TRAPPC11: variants seen among roughly 807,000 people sequenced by gnomAD.
TRAPPC11 encodes trafficking protein particle complex subunit 11.
In TRAPPC11, 104 loss-of-function variants were observed where a neutral mutation model predicts 151.2. That is an observed-to-expected ratio of 0.69 (90% confidence interval 0.59 to 0.81). The LOEUF is 0.81. Ranked by LOEUF, TRAPPC11 falls within the 30% of genes least tolerant of loss-of-function variation. TRAPPC11 has a pLI of 0.00. For synonymous variants in TRAPPC11, 456 were observed against 472.3 expected (o/e 0.97, Z 0.45); for missense variants, 1,230 against 1,349.6 (o/e 0.91, Z 1.39).
chr4:183,699,138 A>G (rs1485215765), intron 25 of TRAPPC11, among the ~76,000 whole-genome samples: 1 of 152,136 alleles, frequency 6.6e-6, no homozygotes, highest in African/African-American at 2.4e-5. Context: ...CAGGCTGTCT[A>G]CTGCCCTTTG....
Position 183,713,540 on chromosome 4 carries a change from A to G in TRAPPC11, c.*896A>G, listed in dbSNP as rs1270506364. On this transcript the variant is annotated 3_prime_UTR_variant, in exon 30 of 30. Transcript: ENST00000334690. The stretch of plus-strand genomic sequence containing the variant: ...GAAAATTTTATTATTCAAAAGGTGG[A>G]GGCATTGTAAAAAGGAAATAGTGAT... The G allele has an allele frequency of 6.6e-6, 1 of 152,660 alleles. No individual in the cohort carries two copies. The highest frequency in any genetic ancestry group is 1.5e-5 in the Non-Finnish European group (1 of 68,036). 9.5% of individuals were successfully genotyped at this position (152,660 alleles called of 1,614,324 possible).
intron 18 of TRAPPC11, among the ~76,000 whole-genome samples, chr4:183,687,316 T>C (rs1373045795): frequency 1.3e-5 from 2 of 148,696 alleles, no homozygotes; most frequent in East Asian, 3.9e-4. Flanking sequence ...TATATATATG[T>C]ACACATATAG....
rs199928203 is a variant in TRAPPC11, at chr4:183,697,641, G to T, written c.2695-38G>T. 1,543 of 1,611,378 alleles carry T rather than the reference G, an allele frequency of 9.6e-4. 2 individuals are homozygous for T. The highest frequency in any genetic ancestry group is 1.1e-3 in the Non-Finnish European group (1,297 of 1,178,630). Reference sequence around the variant, plus strand: ...GACTGAAATGATAAAATGGATTAAGGTAATTCCTGACAGACCTTTTATCTT... The same window carrying T: ...GACTGAAATGATAAAATGGATTAAGTTAATTCCTGACAGACCTTTTATCTT... On this transcript the variant is annotated intron_variant, in intron 24 of 29. Coordinates refer to ENST00000334690, the MANE Select transcript of TRAPPC11 (RefSeq NM_021942.6).
intron 7 of TRAPPC11, 119 bp from the exon 8 acceptor site, chr4:183,677,339 A>T (rs1735463513): frequency 5.8e-6 from 4 of 693,928 alleles, no homozygotes; most frequent in Non-Finnish European, 1.0e-5. Flanking sequence ...AGAGATTGAC[A>T]TTATTGAGCT....
intron 18 of TRAPPC11, among the ~76,000 whole-genome samples, chr4:183,689,205 G>C (rs926035572): frequency 7.2e-5 from 11 of 152,140 alleles, no homozygotes; most frequent in Admixed American, 1.3e-4. Context: ...CTGGTGTTGG[G>C]AATGGAGATT....
At chr4:183,700,802 ATC>A (rs1465244581) in intron 25 of TRAPPC11, 1 of 152,140 alleles carries the variant, frequency 6.6e-6, no homozygotes, top group African/African-American at 2.4e-5. Context: ...TCATCTAAAA[ATC>A]TGAAATCTGA....
At chr4:183,667,192 TA>T (rs1734927662) in intron 4 of TRAPPC11, 62 bp downstream of exon 4, 5 of 1,382,458 alleles carry the variant, frequency 3.6e-6, no homozygotes, top group African/African-American at 1.4e-5. Flanking sequence ...TAAAGGGAGA[TA>T]GGGGTTTTTT....
Position 183,694,054 on chromosome 4 carries a change from TG to T in TRAPPC11, c.2508+19del. 6.2e-7 allele frequency: 1 copy of T among 1,611,738 alleles called. No homozygotes were observed. The highest frequency in any genetic ancestry group is 8.5e-7 in the Non-Finnish European group (1 of 1,178,434). The stretch of plus-strand genomic sequence containing the variant: ...AGGGGAACAGGTAAACTTGGTCAAC[TG>T]GGATTGAAGAGGAAATCAATTAGTT... On this transcript the variant is annotated intron_variant, in intron 22 of 29. Coordinates refer to ENST00000334690, the MANE Select transcript of TRAPPC11 (RefSeq NM_021942.6).
At chr4:183,683,836 C>T (rs1735822420) in intron 11 of TRAPPC11, 139 bp from the exon 12 acceptor site, 6 of 710,022 alleles carry the variant, frequency 8.5e-6, no homozygotes, top group South Asian at 1.8e-5. Flanking sequence ...CCTCTTAGCA[C>T]CTTTACGATT....
Position 183,663,913 on chromosome 4 carries a change from C to A in TRAPPC11, c.46C>A (p.Pro16Thr). ...WDFPVELCCR[P>T]MAFVTLTGLD... ...CTTCCCTGTGGAATTATGTTGCCGG[C>A]CTATGGCCTTTGTTACTCTAACGGG... Residue 16 changes from proline to threonine, a missense_variant, in exon 2 of 30, where the codon CCT becomes ACT. Transcript: ENST00000334690. 6.2e-7 allele frequency: 1 copy of A among 1,614,156 alleles called. No individual in the cohort carries two copies. The highest frequency in any genetic ancestry group is 8.5e-7 in the Non-Finnish European group (1 of 1,180,038).
Position 183,684,038 on chromosome 4 carries a change from G to A in TRAPPC11, c.1271G>A (p.Arg424Lys). 1 of 1,613,988 alleles carries A rather than the reference G, an allele frequency of 6.2e-7. No homozygotes were observed. The change falls in exon 12 of 30, where the codon AGA (arginine) becomes AAA (lysine). Residue 424 changes from arginine to lysine, a missense_variant. By Grantham distance (26) the Arg-to-Lys change is conservative. Transcript: ENST00000334690. ...ATTCTTGCCATTCAGCTGAAGGAGA[G>A]AAATGTTGTTCACTCTGTAAGTTTT... The part of the protein sequence containing the change: ...VGILAIQLKE[R>K]NVVHSEIIIT...
intron 21 of TRAPPC11, 26 bp from the exon 22 acceptor site, chr4:183,693,891 T>C (rs1275916588): frequency 1.2e-6 from 2 of 1,608,624 alleles, no homozygotes; most frequent in Non-Finnish European, 1.7e-6. Flanking sequence ...TTCTTTGTTT[T>C]GAAGAACCAA....
rs372746006 is a variant in TRAPPC11, at chr4:183,681,254, C to G, written c.1113+987C>G. ...CAGTAGTACTATTTTTAAAACTGTTCCAAAAACGAATAGATTGTATATTAG... is the reference window on the plus strand; with the variant it reads ...CAGTAGTACTATTTTTAAAACTGTTGCAAAAACGAATAGATTGTATATTAG... On this transcript the variant is annotated intron_variant, in intron 10 of 29. Transcript: ENST00000334690. Among the ~76,000 whole-genome samples, 21 of 151,822 alleles carry G rather than the reference C, an allele frequency of 1.4e-4. No individual in the cohort carries two copies. The South Asian group carries it at 4.2e-3, about 30-fold the overall frequency.
chr4:183,661,478 TCTC>T (rs1335126882), intron 1 of TRAPPC11, among the ~76,000 whole-genome samples: 2 of 147,610 alleles, frequency 1.4e-5, no homozygotes, highest in Non-Finnish European at 3.0e-5. Flanking sequence ...TTCACGCCAT[TCTC>T]CTGCCTCAGC....
At chr4:183,707,524 C>T (rs1737134438) in intron 28 of TRAPPC11, among the ~76,000 whole-genome samples, 1 of 152,082 alleles carries the variant, frequency 6.6e-6, no homozygotes, top group Non-Finnish European at 1.5e-5. Flanking sequence ...AGTGAGAGTC[C>T]TGTCCTCCAC....
chr4:183,682,853 C>T, intron 11 of TRAPPC11, 28 bp downstream of exon 11: 1 of 1,482,558 alleles, frequency 6.7e-7, no homozygotes, highest in Admixed American at 1.7e-5. Context: ...CTGTCCTTTC[C>T]TCTCAACCTC....
intron 5 of TRAPPC11, among the ~76,000 whole-genome samples, chr4:183,671,753 T>C (rs1296835855): frequency 6.6e-6 from 1 of 152,238 alleles, no homozygotes; most frequent in Non-Finnish European, 1.5e-5. Context: ...GGCTAAAATA[T>C]ATGTTTGTAT....
At chr4:183,681,910 AATTT>A (rs768975755) in intron 10 of TRAPPC11, among the ~76,000 whole-genome samples, 4 of 152,208 alleles carry the variant, frequency 2.6e-5, no homozygotes, top group African/African-American at 9.6e-5. Context: ...TAAGTACCAA[AATTT>A]ATTTATAAAG....
rs534796581 is a variant in TRAPPC11, at chr4:183,667,517, A to G, written c.445+387A>G. 2.4e-4 allele frequency among the ~76,000 whole-genome samples: 36 copies of G among 152,198 alleles called. No individual in the cohort carries two copies. In the South Asian group the frequency reaches 6.8e-3, roughly 29 times the overall value. ...TTTGAAGCTGTATTCCTTATATGAA[A>G]TTTTTTCATTAATTTTCTGTAGGGC... On this transcript the variant is annotated intron_variant, in intron 4 of 29. Transcript: ENST00000334690.
Sources: gnomAD v4.1 joint callset for allele counts (sites outside exome capture counted in the v4.1 genomes callset) on GRCh38, gnomAD v4.1.1 for gene constraint, MANE v1.5 for transcripts, NCBI Gene and HGNC (gene_info 2026-07-23, HGNC 2026-07-21) for gene names.